FGD4: variants seen among roughly 807,000 people sequenced by gnomAD.
FGD4 encodes FYVE, RhoGEF and PH domain-containing protein 4.
A neutral mutation model predicts 102.0 loss-of-function variants in FGD4; 42 were observed. That is an observed-to-expected ratio of 0.41 (90% CI 0.32 to 0.53). The LOEUF (loss-of-function observed/expected upper bound fraction) is 0.53. FGD4 is among the 20% of genes least tolerant of loss of function. FGD4 has a pLI of 0.21. For missense variants in FGD4, 902 were observed against 1,078.2 expected, an observed-to-expected ratio of 0.84 and a Z score of 2.29; for synonymous variants, 380 against 375.7, an observed-to-expected ratio of 1.01 and a Z score of -0.13.
rs138641992 is a variant in FGD4, at chr12:32,436,346, A to G, written c.166+36387A>G. On this transcript the variant is annotated intron_variant, in intron 1 of 16. Coordinates refer to ENST00000534526, the MANE Select transcript of FGD4 (RefSeq NM_001370298.3). The stretch of plus-strand genomic sequence containing the variant: ...TTCAGGAACACCTGTATCTTTTCCT[A>G]AGGATAAAAAGTGGCACAAGGAGAC... Among the ~76,000 whole-genome samples the G allele has an allele frequency of 4.4e-3, 670 of 152,322 alleles. 9 individuals are homozygous for G. Among genetic ancestry groups the G allele is most frequent in the African/African-American group, 0.014 (568 of 41,564 alleles).
intron 1 of FGD4, among the ~76,000 whole-genome samples, chr12:32,446,296 T>C (rs1448833520): frequency 6.6e-6 from 1 of 152,080 alleles, no homozygotes; most frequent in Non-Finnish European, 1.5e-5. Context: ...TCATGGCTGG[T>C]GCACTGCTAG....
intron 1 of FGD4, among the ~76,000 whole-genome samples, chr12:32,485,436 ATTT>A (rs372655892): frequency 2.6e-5 from 3 of 114,214 alleles, no homozygotes; most frequent in Non-Finnish European, 3.5e-5. Context: ...TTTAAGACCA[ATTT>A]TTTTTTTTTT....
chr12:32,534,211 C>T (rs1332306185), intron 1 of FGD4: 2 of 909,260 alleles, frequency 2.2e-6, no homozygotes, highest in Non-Finnish European at 2.9e-6. Flanking sequence ...TCTCTGTGCT[C>T]ATACACTCCC....
chr12:32,495,695 C>CAAA (rs766436638), intron 1 of FGD4, among the ~76,000 whole-genome samples: 7 of 76,074 alleles, frequency 9.2e-5, no homozygotes, highest in African/African-American at 1.6e-4. Context: ...GACTCTGTTT[C>CAAA]AAAAAAAAAA....
At chr12:32,551,085 G>A (rs981126205) in intron 1 of FGD4, among the ~76,000 whole-genome samples, 4 of 152,108 alleles carry the variant, frequency 2.6e-5, no homozygotes, top group Non-Finnish European at 5.9e-5. Context: ...ATCCAAAATG[G>A]TCTATTGGTA....
At chr12:32,409,639 T>C (rs1941116366) in intron 1 of FGD4, among the ~76,000 whole-genome samples, 1 of 152,108 alleles carries the variant, frequency 6.6e-6, no homozygotes. Flanking sequence ...TTTGCCATAG[T>C]CAAAAACCTT....
At chr12:32,615,211 C>T (rs1337572508) in intron 10 of FGD4, among the ~76,000 whole-genome samples, 1 of 152,094 alleles carries the variant, frequency 6.6e-6, no homozygotes, top group Non-Finnish European at 1.5e-5. Context: ...TGAAAGATGC[C>T]AGTTACAACA....
In FGD4 at chr12:32,544,436, G is replaced by C. The variant is rs1943075011; in HGVS notation, c.167-19701G>C. On this transcript the variant is annotated intron_variant, in intron 1 of 16. Coordinates refer to ENST00000534526, the MANE Select transcript of FGD4 (RefSeq NM_001370298.3). This position sits in a 1 kb window ranked among gnomAD's most constrained non-coding sequence, Gnocchi z 4.1. ...CAAAGCAAGACTCTCTCAAAACAAA[G>C]AAAATTGTTTTTGGCTGGGTGCAGT... 6.6e-6 allele frequency among the ~76,000 whole-genome samples: 1 copy of C among 151,274 alleles called. No homozygotes were observed. Among genetic ancestry groups the C allele is most frequent in the African/African-American group, 2.4e-5 (1 of 41,128 alleles).
chr12:32,423,727 A>G (rs1941736436), intron 1 of FGD4, among the ~76,000 whole-genome samples: 1 of 152,056 alleles, frequency 6.6e-6, no homozygotes. Context: ...CAAGGGATGC[A>G]TTATTCATGA....
At chr12:32,418,983 C>T (rs1199219295) in intron 1 of FGD4, among the ~76,000 whole-genome samples, 1 of 152,204 alleles carries the variant, frequency 6.6e-6, no homozygotes, top group Admixed American at 6.5e-5. Context: ...GATCCTCTCC[C>T]TGTGGCTGCC....
intron 1 of FGD4, among the ~76,000 whole-genome samples, chr12:32,434,396 T>A (rs553694271): frequency 1.3e-4 from 20 of 152,362 alleles, no homozygotes; most frequent in Middle Eastern, 3.4e-3. Flanking sequence ...TGAGCAGTAA[T>A]AGTTTTAAAT....
intron 14 of FGD4, among the ~76,000 whole-genome samples, chr12:32,633,231 G>C (rs749092666): frequency 6.6e-6 from 1 of 151,732 alleles, no homozygotes; most frequent in Non-Finnish European, 1.5e-5. Context: ...GAGGGGGTGG[G>C]ATGGGCTAAG....
chr12:32,500,582 C>T lies in FGD4; in HGVS notation c.167-63555C>T, dbSNP rs191009254. Among the ~76,000 whole-genome samples, 98 of 151,916 alleles carry T rather than the reference C, an allele frequency of 6.5e-4. 2 individuals are homozygous for T. The East Asian group carries it at 0.017, about 26-fold the overall frequency. ...CCTAGTAGCTGGGACTACAGGCGCC[C>T]GCCACCATGCCCGGCTAATTTTTGT... On this transcript the variant is annotated intron_variant, in intron 1 of 16. Coordinates refer to ENST00000534526, the MANE Select transcript of FGD4 (RefSeq NM_001370298.3).
chr12:32,496,861 A>G (rs1419963930), intron 1 of FGD4, among the ~76,000 whole-genome samples: 1 of 152,212 alleles, frequency 6.6e-6, no homozygotes, highest in East Asian at 1.9e-4. Context: ...TTTGTTTTAG[A>G]ATCGATATTA....
chr12:32,492,926 C>G (rs570446221), intron 1 of FGD4, among the ~76,000 whole-genome samples: 29 of 152,298 alleles, frequency 1.9e-4, no homozygotes, highest in African/African-American at 6.5e-4. Flanking sequence ...GCCTTGCTTT[C>G]CAGGAACAGA....
intron 5 of FGD4, among the ~76,000 whole-genome samples, chr12:32,599,301 T>C (rs958453767): frequency 8.7e-5 from 13 of 149,548 alleles, no homozygotes; most frequent in African/African-American, 3.2e-4. Context: ...GAGACCATCC[T>C]GGCTAACACG....
intron 1 of FGD4, among the ~76,000 whole-genome samples, chr12:32,429,887 A>G (rs1355579401): frequency 6.6e-6 from 1 of 151,996 alleles, no homozygotes; most frequent in Non-Finnish European, 1.5e-5. Context: ...ACCATGTTTT[A>G]TCAGCAAGGT....
At chr12:32,558,578 A>C (rs2136234778) in intron 1 of FGD4, among the ~76,000 whole-genome samples, 1 of 152,368 alleles carries the variant, frequency 6.6e-6, no homozygotes. Flanking sequence ...ATAATTCAAG[A>C]ATGATTTGGT....
At chr12:32,639,403 A>T (rs774450409) in intron 16 of FGD4, among the ~76,000 whole-genome samples, 3 of 152,186 alleles carry the variant, frequency 2.0e-5, no homozygotes, top group Non-Finnish European at 4.4e-5. Context: ...ACCTCAGGTG[A>T]TCCGCCCACC....
Sources: allele counts gnomAD v4.1 joint callset (sites outside exome capture counted in the v4.1 genomes callset), GRCh38; gene constraint gnomAD v4.1.1; non-coding constraint Gnocchi (gnomAD v3.1); transcripts MANE v1.5; gene names NCBI Gene and HGNC (gene_info 2026-07-23, HGNC 2026-07-21).